The following PCIF1 variants were observed in gnomAD, a reference collection of about 807,000 sequenced individuals.
PCIF1 encodes the protein phosphorylated CTD interacting factor 1, also known as mRNA (2'-O-methyladenosine-N(6)-)-methyltransferase.
PCIF1 carries 12 observed loss-of-function variants against 86.9 expected under a neutral mutation model. The observed-to-expected ratio is 0.14, with a 90% CI of 0.09 to 0.22. The LOEUF (loss-of-function observed/expected upper bound fraction) is 0.22, where lower values mean the gene tolerates loss of function less well. PCIF1 is among the 10% of genes least tolerant of loss of function. PCIF1 has a pLI of 1.00. For synonymous variants in PCIF1, 397 were observed against 372.0 expected (o/e 1.07, Z -0.77); for missense variants, 701 against 951.1 (o/e 0.74, Z 3.46).
chr20:45,934,868 G>A, intron 1 of PCIF1, 64 bp downstream of exon 1: 1 of 397,886 alleles, frequency 2.5e-6, no homozygotes, highest in Non-Finnish European at 4.4e-6. Context: ...ATCCGAAGCT[G>A]GGGGGCGGCG....
At position 45,945,839 on chromosome 20, in the gene PCIF1, A is replaced by G; in HGVS notation, c.1297A>G (p.Lys433Glu). 1.2e-6 allele frequency: 2 copies of G among 1,613,820 alleles called. No homozygotes were observed. The highest frequency in any genetic ancestry group is 8.5e-7 in the Non-Finnish European group (1 of 1,180,034). The stretch of plus-strand genomic sequence containing the variant: ...GAACAACGTGGTCTGCATCCGGTAT[A>G]AGGGAGAGATGGTCAAGGTCAGCCG... ...MENNVVCIRYKGEMVKVSRNY... is the reference protein window; with the variant it reads ...MENNVVCIRYEGEMVKVSRNY... Residue 433 changes from lysine to glutamate, a missense_variant, in exon 12 of 17, where the codon AAG becomes GAG. Lys to Glu is a moderately conservative substitution (Grantham distance 56). Around this residue, in one of 7 missense-constraint regions of PCIF1, gnomAD observed 121 missense variants for 131.7 expected, o/e 0.92. Coordinates refer to ENST00000372409, the MANE Select transcript of PCIF1 (RefSeq NM_022104.4).
chr20:45,940,477 G>A lies in PCIF1; in HGVS notation c.252G>A (p.Ser84=), dbSNP rs965014626. The A allele has an allele frequency of 6.3e-7, 1 of 1,599,374 alleles. No homozygotes were observed. The highest frequency in any genetic ancestry group is 1.3e-5 in the African/African-American group (1 of 74,346). The change falls in exon 5 of 17, where the codon TCG becomes TCA. Residue 84 remains serine, a splice_region_variant and synonymous_variant. Transcript: ENST00000372409. ...MPVLGQHDVI[S]DPLGLNATPL... ...CTCTGCTGGTCTCCCTCCACCAGTC[G>A]GACCCTTTGGGGCTGAATGCGACCC...
intron 1 of PCIF1, among the ~76,000 whole-genome samples, chr20:45,936,334 C>T (rs1473903546): frequency 1.6e-5 from 2 of 127,648 alleles, no homozygotes; most frequent in African/African-American, 6.0e-5. Context: ...GCCACCACGC[C>T]GGGCTAATTT....
rs2083491272 is a variant in PCIF1, at chr20:45,943,240, A to G, written c.817A>G (p.Ile273Val). Residue 273 changes from isoleucine to valine, a missense_variant, in exon 8 of 17, where the codon ATC becomes GTC. Ile to Val is a conservative substitution (Grantham distance 29, BLOSUM62 3). Coordinates refer to ENST00000372409, the MANE Select transcript of PCIF1 (RefSeq NM_022104.4). The surrounding 1 kb of genome is among the most constrained non-coding windows in gnomAD (Gnocchi z 5.5). ...TCGTGAAATCATGAACGACATTCCT[A>G]TCAGGTACAGCTCCACAGCTGGGGA... ...MFREIMNDIP[I>V]RLSRIKFREE... The G allele has an allele frequency of 3.7e-6, 6 of 1,614,130 alleles. No individual in the cohort carries two copies. Among genetic ancestry groups the G allele is most frequent in the Admixed American group, 1.7e-5 (1 of 60,014 alleles).
chr20:45,940,412 C>T, intron 4 of PCIF1, 63 bp from the exon 5 acceptor site: 1 of 1,507,950 alleles, frequency 6.6e-7, no homozygotes, highest in Non-Finnish European at 8.9e-7. Flanking sequence ...CGTGAGGATT[C>T]AAAGTCCTGT....
Position 45,947,652 on chromosome 20 carries a change from G to A in PCIF1, c.2012G>A (p.Gly671Asp), listed in dbSNP as rs369978315. ...QELSAAYRQS[G>D]RSHSSGSSSS... Reference sequence around the variant, plus strand: ...CTGAGTGCTGCCTACCGGCAGTCAGGCCGCAGCCACAGCTCTGGTTCTTCC... The same window carrying A: ...CTGAGTGCTGCCTACCGGCAGTCAGACCGCAGCCACAGCTCTGGTTCTTCC... Residue 671 changes from glycine (G) to aspartate (D), a missense_variant, in exon 17 of 17, where the codon GGC becomes GAC. Around this residue, in one of 7 missense-constraint regions of PCIF1, gnomAD observed 174 missense variants for 206.9 expected, o/e 0.84. Coordinates refer to ENST00000372409, the MANE Select transcript of PCIF1 (RefSeq NM_022104.4). The surrounding 1 kb of genome is among the most constrained non-coding windows in gnomAD (Gnocchi z 5.4). 4.3e-6 allele frequency: 7 copies of A among 1,612,242 alleles called. No individual in the cohort carries two copies. The African/African-American group carries it at 8.0e-5, about 18-fold the overall frequency.
chr20:45,941,339 C>T (rs1454647250), intron 7 of PCIF1, 132 bp downstream of exon 7: 2 of 1,058,678 alleles, frequency 1.9e-6, no homozygotes, highest in Non-Finnish European at 1.4e-6. Flanking sequence ...GCACTCCAGC[C>T]TGAGTGACAG....
In PCIF1 at chr20:45,934,699, G is replaced by A. The variant is rs2083398890; in HGVS notation, c.-293G>A. 2 of 398,628 alleles carry A rather than the reference G, an allele frequency of 5.0e-6. No homozygotes were observed. Among genetic ancestry groups the A allele is most frequent in the African/African-American group, 2.1e-5 (1 of 48,590 alleles). 24.7% of individuals were successfully genotyped at this position (398,628 alleles called of 1,614,324 possible). A position where few individuals can be genotyped will look rare whatever the true frequency, so the allele number is the denominator to read the frequency against. On this transcript the variant is annotated 5_prime_UTR_variant, in exon 1 of 17. Coordinates refer to ENST00000372409, the MANE Select transcript of PCIF1 (RefSeq NM_022104.4). ...ATGCGCAGCGCGGAGTCCCGGCCCG[G>A]GACACAAGATGGCGGCAGCGGCGCT...
intron 14 of PCIF1, 28 bp downstream of exon 14, chr20:45,946,412 C>T (rs1263573881): frequency 1.2e-6 from 2 of 1,606,782 alleles, no homozygotes; most frequent in Middle Eastern, 1.7e-4. Context: ...CCCCTCTACC[C>T]AGGCCAGGGA....
At chr20:45,942,245 ATT>A (rs1431699002) in intron 7 of PCIF1, among the ~76,000 whole-genome samples, 1 of 135,880 alleles carries the variant, frequency 7.4e-6, no homozygotes, top group East Asian at 2.4e-4. Context: ...AAGTGCTGGG[ATT>A]ACAGGCGTGA....
chr20:45,947,051 G>A lies in PCIF1; in HGVS notation c.1614-22G>A. On this transcript the variant is annotated intron_variant, in intron 14 of 16. Transcript: ENST00000372409. This position sits in a 1 kb window ranked among gnomAD's most constrained non-coding sequence, Gnocchi z 5.4. ...AGGGACTGGGTCCTGATGGGACTTA[G>A]AATGCTCACTCCTGTCCCCAGGCCC... 1 of 1,585,616 alleles carries A rather than the reference G, an allele frequency of 6.3e-7. No homozygotes were observed. The highest frequency in any genetic ancestry group is 8.6e-7 in the Non-Finnish European group (1 of 1,159,494).
intron 10 of PCIF1, among the ~76,000 whole-genome samples, chr20:45,944,372 CGT>C (rs1245977957): frequency 3.9e-5 from 6 of 152,304 alleles, no homozygotes; most frequent in South Asian, 2.1e-4. Context: ...CAGTTTTACA[CGT>C]GTGATTCAGC....
Position 45,945,877 on chromosome 20 carries a change from C to G in PCIF1, c.1335C>G (p.Ser445Arg), listed in dbSNP as rs755586125. Residue 445 changes from serine (S) to arginine (R), a missense_variant, in exon 12 of 17, where the codon AGC becomes AGG. Physicochemically the swap from Ser to Arg is moderately radical, Grantham distance 110 (BLOSUM62 -1). Around this residue, in one of 7 missense-constraint regions of PCIF1, gnomAD observed 121 missense variants for 131.7 expected, o/e 0.92. Transcript: ENST00000372409. The part of the protein sequence containing the change: ...EMVKVSRNYF[S>R]KLWLLYRYSC... Reference sequence around the variant, plus strand: ...TCAAGGTCAGCCGCAACTACTTCAGCAAGCTGGTAAGAGCTGCGGGGAGGA... The same window carrying G: ...TCAAGGTCAGCCGCAACTACTTCAGGAAGCTGGTAAGAGCTGCGGGGAGGA... 3 of 1,613,836 alleles carry G rather than the reference C, an allele frequency of 1.9e-6. No homozygotes were observed. The highest frequency in any genetic ancestry group is 2.5e-6 in the Non-Finnish European group (3 of 1,180,016).
chr20:45,939,151 G>A lies in PCIF1; in HGVS notation c.124+28G>A. 3.1e-6 allele frequency: 5 copies of A among 1,614,078 alleles called. No homozygotes were observed. In the South Asian group the frequency reaches 5.5e-5, roughly 18 times the overall value. ...ACTGAGGGGGAGCAGTAGTGGGGTG[G>A]TGGGGTAGGAAGGGCACCCTGGGAG... On this transcript the variant is annotated intron_variant, in intron 3 of 16. Coordinates refer to ENST00000372409, the MANE Select transcript of PCIF1 (RefSeq NM_022104.4).
intron 14 of PCIF1, 102 bp downstream of exon 14, chr20:45,946,486 G>GGCAGGGAC: frequency 7.4e-7 from 1 of 1,355,530 alleles, no homozygotes; most frequent in African/African-American, 1.4e-5. Context: ...CTTGGGTGGA[G>GGCAGGGAC]TCCCTGCCTC....
intron 1 of PCIF1, among the ~76,000 whole-genome samples, chr20:45,936,508 T>A (rs1371665881): frequency 6.6e-6 from 1 of 150,800 alleles, no homozygotes; most frequent in Non-Finnish European, 1.5e-5. Context: ...TTTTAAGAGA[T>A]GAGGTCTTGC....
rs1322889321 is a variant in PCIF1 at position 45,938,970 on chromosome 20, CTGTG to C, written c.-19-8_-19-5del. ...GGTGGAGCTGACACTCTTTGGTCCTCTGTGTGGCAGGTCCTGTGTGGGTGTGGAG... is the reference window on the plus strand; with the variant it reads ...GGTGGAGCTGACACTCTTTGGTCCTCTGGCAGGTCCTGTGTGGGTGTGGAG... On this transcript the variant is annotated splice_polypyrimidine_tract_variant and splice_region_variant and intron_variant, in intron 2 of 16. Transcript: ENST00000372409. 2 of 1,613,008 alleles carry C rather than the reference CTGTG, an allele frequency of 1.2e-6. No individual in the cohort carries two copies. Among genetic ancestry groups the C allele is most frequent in the East Asian group, 4.5e-5 (2 of 44,882 alleles).
chr20:45,940,549 C>G lies in PCIF1; in HGVS notation c.324C>G (p.Asn108Lys), dbSNP rs770884917. ...SSLVETPPAENKPRKRQLSEE... is the reference protein window; with the variant it reads ...SSLVETPPAEKKPRKRQLSEE... ...TGGTGGAAACTCCCCCGGCTGAGAA[C>G]AAGCCCAGAAAGCGGCAGCTCTCGG... is the stretch of plus-strand genomic sequence containing the variant. Residue 108 changes from asparagine to lysine, a missense_variant, in exon 5 of 17, where the codon AAC (asparagine) becomes AAG (lysine). Physicochemically the swap from Asn to Lys is moderately conservative, Grantham distance 94 (BLOSUM62 0). This residue lies in a region of PCIF1 where 125 missense variants were observed against 126.8 expected (regional missense o/e 0.99). Transcript: ENST00000372409. 6.2e-7 allele frequency: 1 copy of G among 1,609,162 alleles called. No individual in the cohort carries two copies. The highest frequency in any genetic ancestry group is 8.5e-7 in the Non-Finnish European group (1 of 1,177,630).
At chr20:45,944,391 A>G (rs978379583) in intron 10 of PCIF1, among the ~76,000 whole-genome samples, 2 of 152,208 alleles carry the variant, frequency 1.3e-5, no homozygotes, top group Non-Finnish European at 2.9e-5. Context: ...CAGCAAAATT[A>G]CAAATCCCGA....
Sources: gnomAD v4.1 joint callset for allele counts (sites outside exome capture counted in the v4.1 genomes callset) on GRCh38, gnomAD v4.1.1 for gene constraint, gnomAD v4.1.1 regional missense constraint, Gnocchi (gnomAD v3.1) non-coding constraint, MANE v1.5 for transcripts, NCBI Gene and HGNC (gene_info 2026-07-23, HGNC 2026-07-21) for gene names.